Variants in TDP2 observed in about 807,000 individuals in gnomAD.
The protein encoded by TDP2 is 5'-Tyr-DNA phosphodiesterase.
Under a neutral mutation model 42.8 loss-of-function variants are expected in TDP2, and 38 were observed. The observed-to-expected ratio is 0.89, with a 90% CI of 0.68 to 1.16. The LOEUF is 1.16. Among genes scored for constraint, TDP2 ranks in the 50% most tolerant of loss-of-function variants. TDP2 has a pLI of 0.00. For missense variants in TDP2, 439 were observed against 439.3 expected, an observed-to-expected ratio of 1.00 and a Z score of 0.01; for synonymous variants, 173 against 150.6, an observed-to-expected ratio of 1.15 and a Z score of -1.09.
At chr6:24,651,731 C>T (rs1193122858) in intron 6 of TDP2, among the ~76,000 whole-genome samples, 2 of 152,044 alleles carry the variant, frequency 1.3e-5, no homozygotes, top group Non-Finnish European at 2.9e-5. Flanking sequence ...GGATCACAGG[C>T]ATGTGCCACA....
At position 24,666,851 on chromosome 6, in the gene TDP2, C is replaced by A. The variant is rs752212750; in HGVS notation, c.12G>T (p.Gly4=). 48 of 1,613,774 alleles carry A rather than the reference C, an allele frequency of 3.0e-5. 1 individual carries two copies. Among genetic ancestry groups the A allele is most frequent in the Non-Finnish European group, 3.1e-5 (37 of 1,180,038 alleles). ...CCTCCCTCCCGCCCTCCAGGCAACT[C>A]CCCAACTCCATCTTCCTGCCGCCTC... is the stretch of plus-strand genomic sequence containing the variant. MEL[G]SCLEGGREAA... The change falls in exon 1 of 7, where the codon GGG becomes GGT. Residue 4 remains glycine, a synonymous_variant. Transcript: ENST00000378198.
chr6:24,656,302 G>T (rs1778060614), intron 4 of TDP2, among the ~76,000 whole-genome samples: 1 of 151,894 alleles, frequency 6.6e-6, no homozygotes, highest in Non-Finnish European at 1.5e-5. Context: ...ATAAGAGAAA[G>T]TTAAGAAAAT....
chr6:24,662,409 A>G lies in TDP2; in HGVS notation c.252-3675T>C, dbSNP rs372857753. On this transcript the variant is annotated intron_variant, in intron 2 of 6. Coordinates refer to ENST00000378198, the MANE Select transcript of TDP2 (RefSeq NM_016614.3). ...ACCGCCTTATAGCTGGAGGTGAGAC[A>G]TGCTGGCGGCAATACTACTCTTTAT... Among the ~76,000 whole-genome samples the G allele has an allele frequency of 5.3e-5, 8 of 152,294 alleles. No homozygotes were observed. In the South Asian group the frequency reaches 1.5e-3, roughly 28 times the overall value.
chr6:24,655,057 A>G (rs894819053), intron 4 of TDP2, among the ~76,000 whole-genome samples: 1 of 152,228 alleles, frequency 6.6e-6, no homozygotes, highest in African/African-American at 2.4e-5. Flanking sequence ...TGAATAAATA[A>G]AAATGAAAAA....
At position 24,658,725 on chromosome 6, in the gene TDP2, T is replaced by A. The variant is rs1297290320; in HGVS notation, c.261A>T (p.Leu87=). 1 of 1,613,656 alleles carries A rather than the reference T, an allele frequency of 6.2e-7. No homozygotes were observed. Among genetic ancestry groups the A allele is most frequent in the Admixed American group, 1.7e-5 (1 of 59,970 alleles). The stretch of plus-strand genomic sequence containing the variant: ...TGGAATCAGTTGTTTCTTCATTGGT[T>A]AGGTCAACACTGGCAAGATCAGAAT... ...TISEPKTYVD[L]TNEETTDSTT... Residue 87 remains leucine (L), a synonymous_variant, in exon 3 of 7, where the codon CTA becomes CTT. Transcript: ENST00000378198.
chr6:24,657,518 ATTAT>A (rs1778076440), intron 4 of TDP2, among the ~76,000 whole-genome samples: 3 of 152,208 alleles, frequency 2.0e-5, no homozygotes, highest in African/African-American at 7.2e-5. Flanking sequence ...CCACAATGTG[ATTAT>A]TTCAGTTAAA....
intron 2 of TDP2, chr6:24,666,092 T>G (rs1582427360): frequency 6.9e-7 from 1 of 1,443,456 alleles, no homozygotes; most frequent in African/African-American, 1.4e-5. Context: ...AGGTGTGCAT[T>G]AAAAAAAAAT....
chr6:24,660,576 TG>T (rs1406406797), intron 2 of TDP2, among the ~76,000 whole-genome samples: 1 of 152,254 alleles, frequency 6.6e-6, no homozygotes, highest in African/African-American at 2.4e-5. Flanking sequence ...TGTGGTTATG[TG>T]GTGCATAACA....
Position 24,658,711 on chromosome 6 carries a change from G to A in TDP2, c.275C>T (p.Thr92Ile). The A allele has an allele frequency of 6.2e-7, 1 of 1,613,714 alleles. No individual in the cohort carries two copies. Among genetic ancestry groups the A allele is most frequent in the Non-Finnish European group, 8.5e-7 (1 of 1,179,776 alleles). The change falls in exon 3 of 7, where the codon ACA becomes ATA. Residue 92 changes from threonine to isoleucine, a missense_variant. Physicochemically the swap from Thr to Ile is moderately conservative, Grantham distance 89 (BLOSUM62 -1). Coordinates refer to ENST00000378198, the MANE Select transcript of TDP2 (RefSeq NM_016614.3). ...GATTTTAGAAGTGGTGGAATCAGTTGTTTCTTCATTGGTTAGGTCAACACT... is the reference window on the plus strand; with the variant it reads ...GATTTTAGAAGTGGTGGAATCAGTTATTTCTTCATTGGTTAGGTCAACACT... ...KTYVDLTNEE[T>I]TDSTTSKISP... is the part of the protein sequence containing the mutation.
chr6:24,655,850 C>A (rs1367829366), intron 4 of TDP2, among the ~76,000 whole-genome samples: 1 of 152,204 alleles, frequency 6.6e-6, no homozygotes, highest in Non-Finnish European at 1.5e-5. Context: ...TATATACCAA[C>A]ACACTGACAA....
chr6:24,663,336 G>C (rs1430288952), intron 2 of TDP2, among the ~76,000 whole-genome samples: 1 of 152,136 alleles, frequency 6.6e-6, no homozygotes, highest in Non-Finnish European at 1.5e-5. Context: ...ACTGCACAAA[G>C]AAATTGAGGC....
At chr6:24,666,495 C>A (rs772782727) in intron 2 of TDP2, 31 bp downstream of exon 2, 1 of 1,605,618 alleles carries the variant, frequency 6.2e-7, no homozygotes, top group Non-Finnish European at 8.5e-7. Flanking sequence ...TGCCTCCGTG[C>A]GGACTGGCTC....
chr6:24,659,982 C>G (rs990280095), intron 2 of TDP2, among the ~76,000 whole-genome samples: 1 of 152,152 alleles, frequency 6.6e-6, no homozygotes, highest in Non-Finnish European at 1.5e-5. Flanking sequence ...ATCTGCTCCC[C>G]CAACCAATAC....
intron 4 of TDP2, among the ~76,000 whole-genome samples, chr6:24,655,109 A>C (rs1778043187): frequency 6.6e-6 from 1 of 152,246 alleles, no homozygotes; most frequent in South Asian, 2.1e-4. Context: ...CCAATATCAG[A>C]TGAGAAAATT....
chr6:24,661,366 T>C (rs1326205919), intron 2 of TDP2, among the ~76,000 whole-genome samples: 1 of 152,200 alleles, frequency 6.6e-6, no homozygotes, highest in African/African-American at 2.4e-5. Context: ...TTATACCAGA[T>C]TTCACGGGGA....
intron 2 of TDP2, among the ~76,000 whole-genome samples, chr6:24,665,314 G>A (rs1212219627): frequency 1.3e-5 from 2 of 152,180 alleles, no homozygotes; most frequent in African/African-American, 2.4e-5. Context: ...TGAAACCAAG[G>A]AGAGGATCTG....
Position 24,658,569 on chromosome 6 carries a change from G to C in TDP2, c.417C>G (p.Tyr139Ter). Residue 139 changes from tyrosine to a stop codon, truncating the protein, a stop_gained, in exon 3 of 7, where the codon TAC becomes TAG. Transcript: ENST00000378198. LOFTEE classifies it high-confidence loss of function. Reference protein sequence around the residue: ...LSERARGVCSYLALYSPDVIF... With the variant: ...LSERARGVCS The stretch of plus-strand genomic sequence containing the variant: ...GAAGTGATAATACTTACAAAGCTAA[G>C]TAGGAACACACCCCTCGAGCCCTCT... 2.5e-6 allele frequency: 4 copies of C among 1,610,094 alleles called. No homozygotes were observed. Among genetic ancestry groups the C allele is most frequent in the Non-Finnish European group, 3.4e-6 (4 of 1,178,186 alleles).
intron 5 of TDP2, 43 bp from the exon 6 acceptor site, chr6:24,653,196 T>C (rs766104701): frequency 1.3e-6 from 2 of 1,580,428 alleles, no homozygotes; most frequent in East Asian, 4.5e-5. Flanking sequence ...CACTGACTAT[T>C]AATACTGAAC....
intron 2 of TDP2, among the ~76,000 whole-genome samples, chr6:24,660,318 T>C (rs9379681): frequency 6.6e-6 from 1 of 152,144 alleles, no homozygotes; most frequent in Non-Finnish European, 1.5e-5. Context: ...GCAAACATCA[T>C]AGAGAGAATT....
Sources: gnomAD v4.1 joint callset for allele counts (sites outside exome capture counted in the v4.1 genomes callset) on GRCh38, gnomAD v4.1.1 for gene constraint, MANE v1.5 for transcripts, NCBI Gene and HGNC (gene_info 2026-07-23, HGNC 2026-07-21) for gene names.